The following FAM149A variants were observed in gnomAD, a reference collection of about 807,000 sequenced individuals.
FAM149A encodes family with sequence similarity 149 member A, also known as protein FAM149A.
FAM149A carries 71 observed loss-of-function variants against 78.2 expected under a neutral mutation model. The observed-to-expected ratio is 0.91, with a 90% CI of 0.75 to 1.11. The LOEUF is 1.11. Ranked by LOEUF, FAM149A falls within the 50% of genes least tolerant of loss-of-function variation. The pLI is 0.00. For synonymous variants in FAM149A, 446 were observed against 410.5 expected (o/e 1.09, Z -1.04); for missense variants, 1,036 against 971.0 (o/e 1.07, Z -0.89).
At chr4:186,139,607 A>G (rs968806908) in intron 1 of FAM149A, among the ~76,000 whole-genome samples, 1 of 152,184 alleles carries the variant, frequency 6.6e-6, no homozygotes, top group African/African-American at 2.4e-5. Context: ...TGTGGGAGAT[A>G]GGTAATGGCA....
intron 1 of FAM149A, among the ~76,000 whole-genome samples, chr4:186,135,098 C>G (rs1007688565): frequency 6.6e-6 from 1 of 152,112 alleles, no homozygotes; most frequent in African/African-American, 2.4e-5. Context: ...GGGGTGGGGC[C>G]CAGCAACCTG....
At chr4:186,168,171 G>A (rs1426920910) in intron 13 of FAM149A, among the ~76,000 whole-genome samples, 1 of 152,206 alleles carries the variant, frequency 6.6e-6, no homozygotes, top group Non-Finnish European at 1.5e-5. Flanking sequence ...GCATAGTGAT[G>A]TAGCATAGTG....
chr4:186,143,149 CTTTTTTTTTTTTTTTTT>C (rs141403092), intron 1 of FAM149A, among the ~76,000 whole-genome samples: 1 of 85,038 alleles, frequency 1.2e-5, no homozygotes, highest in African/African-American at 3.7e-5. Context: ...TCGATTTTTA[CTTTTTTTTTTTTTTTTT>C]TTTTTTTTGA....
intron 1 of FAM149A, among the ~76,000 whole-genome samples, chr4:186,147,446 A>G (rs1397023099): frequency 6.6e-6 from 1 of 152,228 alleles, no homozygotes; most frequent in African/African-American, 2.4e-5. Context: ...TTTATGTAGC[A>G]CTGACTGACA....
chr4:186,146,799 A>G (rs1421404299), intron 1 of FAM149A: 21 of 985,212 alleles, frequency 2.1e-5, no homozygotes, highest in Non-Finnish European at 2.5e-5. Context: ...TTTTCATGTC[A>G]GGTCACGATG....
In FAM149A at chr4:186,106,685, C is replaced by T. The variant is rs547774835; in HGVS notation, c.566+1043C>T. Among the ~76,000 whole-genome samples the T allele has an allele frequency of 1.6e-4, 24 of 152,266 alleles. No individual in the cohort carries two copies. In the South Asian group the frequency reaches 4.1e-3, roughly 26 times the overall value. ...ACAAGCGGCCGGGCACGGTGGCTCACGCCTGTAATCCCAGCACTTTGGGAG... is the reference window on the plus strand; with the variant it reads ...ACAAGCGGCCGGGCACGGTGGCTCATGCCTGTAATCCCAGCACTTTGGGAG... On this transcript the variant is annotated intron_variant, in intron 1 of 13. Transcript: ENST00000389354.
At chr4:186,156,326 A>C in intron 7 of FAM149A, 136 bp downstream of exon 7, 1 of 642,052 alleles carries the variant, frequency 1.6e-6, no homozygotes, top group Non-Finnish European at 2.7e-6. Context: ...TTTACTCATG[A>C]GTGCTCTTTA....
chr4:186,158,280 C>G, intron 8 of FAM149A: 1 of 1,226,336 alleles, frequency 8.2e-7, no homozygotes, highest in South Asian at 1.5e-5. Flanking sequence ...GACCACCAGC[C>G]TCTCAGAGAG....
intron 2 of FAM149A, 72 bp from the exon 3 acceptor site, chr4:186,149,494 A>G: frequency 7.9e-7 from 1 of 1,262,532 alleles, no homozygotes; most frequent in Non-Finnish European, 1.0e-6. Context: ...GCAGGCTCAG[A>G]AAAGTGAAGC....
At chr4:186,136,959 TCTCTTTCTCTCTCTCTTTCTCTCTC>T (rs2099323149) in intron 1 of FAM149A, among the ~76,000 whole-genome samples, 19 of 105,480 alleles carry the variant, frequency 1.8e-4, no homozygotes, top group African/African-American at 3.8e-4. Flanking sequence ...TCTCTCTCTC[TCTCTTTCTCTCTCTCTTTCTCTCTC>T]TCTCTCTCTC....
intron 3 of FAM149A, chr4:186,151,065 C>T (rs770240938): frequency 2.1e-5 from 21 of 985,170 alleles, no homozygotes; most frequent in South Asian, 9.4e-5. Flanking sequence ...CGCTTCTGTC[C>T]GCAGCTGTGC....
chr4:186,149,626 T>A lies in FAM149A; in HGVS notation c.711T>A (p.Ser237=), dbSNP rs1298426706. 2 of 1,289,768 alleles carry A rather than the reference T, an allele frequency of 1.6e-6. No homozygotes were observed. The highest frequency in any genetic ancestry group is 2.0e-6 in the Non-Finnish European group (2 of 988,828). The allele number at this position is 1,289,768 out of a possible 1,614,324, so 79.9% of individuals were successfully genotyped here. A position where few individuals can be genotyped will look rare whatever the true frequency, so the allele number is the denominator to read the frequency against. ...ATACACCCACGGGAGCCCACACCTC[T>A]TGGTCTGGGTCGGCCACACAGAGCT... Residue 237 remains serine (S), a synonymous_variant, in exon 3 of 14, where the codon TCT becomes TCA. Coordinates refer to ENST00000389354, the MANE Select transcript of FAM149A (RefSeq NM_001367768.3).
At chr4:186,140,708 TAAAC>T (rs757940342) in intron 1 of FAM149A, among the ~76,000 whole-genome samples, 12 of 152,308 alleles carry the variant, frequency 7.9e-5, no homozygotes, top group Middle Eastern at 3.4e-3. Flanking sequence ...GTAAAACACT[TAAAC>T]AATAAGATAG....
At chr4:186,134,462 A>G (rs1313989019) in intron 1 of FAM149A, among the ~76,000 whole-genome samples, 2 of 152,124 alleles carry the variant, frequency 1.3e-5, no homozygotes, top group African/African-American at 4.8e-5. Flanking sequence ...GCGAGAACAC[A>G]GTCATCCTGA....
intron 1 of FAM149A, chr4:186,117,327 C>A: frequency 1.8e-6 from 1 of 550,254 alleles, no homozygotes; most frequent in Non-Finnish European, 2.3e-6. Context: ...CTAAGATCCA[C>A]ATGGAGCTAG....
At chr4:186,117,117 T>C (rs1444898824) in intron 1 of FAM149A, among the ~76,000 whole-genome samples, 6 of 152,012 alleles carry the variant, frequency 3.9e-5, no homozygotes, top group Non-Finnish European at 8.8e-5. Flanking sequence ...TAAGAGATCA[T>C]CTATACAAAC....
intron 1 of FAM149A, among the ~76,000 whole-genome samples, chr4:186,148,960 A>C (rs1199190610): frequency 6.6e-6 from 1 of 151,790 alleles, no homozygotes; most frequent in Non-Finnish European, 1.5e-5. Flanking sequence ...AAGAAAAAGA[A>C]AAATGATGAC....
Position 186,154,479 on chromosome 4 carries a change from C to T in FAM149A, c.1070C>T (p.Ser357Phe), listed in dbSNP as rs150126110. ...TTTTTTTCCCATAGGTTGTGCATTT[C>T]TGGCTCTCAAATAGTCCCAGCAGCA... The change falls in exon 6 of 14, where the codon TCT (serine) becomes TTT (phenylalanine). Residue 357 changes from serine (S) to phenylalanine (F), a missense_variant. Transcript: ENST00000389354. 222 of 1,609,546 alleles carry T rather than the reference C, an allele frequency of 1.4e-4. No individual in the cohort carries two copies. The African/African-American group carries it at 2.8e-3, about 20-fold the overall frequency.
At position 186,105,479 on chromosome 4, in the gene FAM149A, G is replaced by A; in HGVS notation, c.403G>A (p.Gly135Arg). The change falls in exon 1 of 14, where the codon GGG becomes AGG. Residue 135 changes from glycine (G) to arginine (R), a missense_variant. Around this residue, in one of 3 missense-constraint regions of FAM149A, gnomAD observed 316 missense variants for 241.9 expected, o/e 1.31. Transcript: ENST00000389354. ...AGCGCGGCCGCCCTCGGGCCCCGGC[G>A]GGGTCTGGGCCGCGCTCCCCAGGAA... 1 of 1,213,000 alleles carries A rather than the reference G, an allele frequency of 8.2e-7. No individual in the cohort carries two copies. The allele number at this position is 1,213,000 out of a possible 1,614,324, so 75.1% of individuals were successfully genotyped here.
Sources: gnomAD v4.1 joint callset for allele counts (sites outside exome capture counted in the v4.1 genomes callset) on GRCh38, gnomAD v4.1.1 for gene constraint, gnomAD v4.1.1 regional missense constraint, MANE v1.5 for transcripts, NCBI Gene and HGNC (gene_info 2026-07-23, HGNC 2026-07-21) for gene names.